FGD6: variants seen among roughly 807,000 people sequenced by gnomAD.
FGD6 encodes FYVE, RhoGEF and PH domain containing 6.
FGD6 carries 90 observed loss-of-function variants against 149.4 expected under a neutral mutation model. The ratio of observed to expected loss-of-function variants is 0.60; its 90% CI spans 0.51 to 0.72. FGD6 has a LOEUF of 0.72. FGD6 is among the 30% of genes least tolerant of loss of function. The pLI is 0.00. For synonymous variants in FGD6, 527 were observed against 584.0 expected (o/e 0.90, Z 1.41); for missense variants, 1,437 against 1,684.8 (o/e 0.85, Z 2.57).
intron 7 of FGD6, among the ~76,000 whole-genome samples, chr12:95,136,375 CA>C (rs1395987445): frequency 6.6e-6 from 1 of 152,000 alleles, no homozygotes; most frequent in Non-Finnish European, 1.5e-5. Flanking sequence ...AAAACAAAAA[CA>C]AAAACAAACA....
chr12:95,126,185 A>T (rs1218417990), intron 8 of FGD6: 1 of 1,123,356 alleles, frequency 8.9e-7, no homozygotes, highest in Non-Finnish European at 1.3e-6. Flanking sequence ...CTCTCAAAAA[A>T]GCACCTGTTG....
At chr12:95,083,113 T>A (rs1877754302) in intron 20 of FGD6, among the ~76,000 whole-genome samples, 1 of 147,700 alleles carries the variant, frequency 6.8e-6, no homozygotes, top group South Asian at 2.2e-4. Context: ...AGTTTAATTA[T>A]TTTGTAAAAG....
At chr12:95,136,737 G>A (rs1288041579) in intron 7 of FGD6, among the ~76,000 whole-genome samples, 1 of 152,142 alleles carries the variant, frequency 6.6e-6, no homozygotes, top group Non-Finnish European at 1.5e-5. Context: ...GTTAAGACAT[G>A]TTCCTTAATC....
At chr12:95,144,988 CT>C (rs34338776) in intron 5 of FGD6, among the ~76,000 whole-genome samples, 5,943 of 98,652 alleles carry the variant, frequency 0.06, 125 homozygotes, top group East Asian at 0.18. Flanking sequence ...CGCACCCGGC[CT>C]TTTTTTTTTT....
rs1396491201 is a variant in FGD6 at position 95,113,713 on chromosome 12, G to GA, written c.3083-13dup. The GA allele has an allele frequency of 9.1e-6, 14 of 1,542,550 alleles. No individual in the cohort carries two copies. The highest frequency in any genetic ancestry group is 2.0e-5 in the Admixed American group (1 of 50,826). On this transcript the variant is annotated splice_polypyrimidine_tract_variant and intron_variant, in intron 8 of 20. Transcript: ENST00000343958. ...ATTCTTCAAATAATCTAGAAAAGAA[G>GA]AAAAAAAAGTATTTAAGTACAATAA...
At chr12:95,187,780 G>A (rs1283565105) in intron 2 of FGD6, among the ~76,000 whole-genome samples, 1 of 152,096 alleles carries the variant, frequency 6.6e-6, no homozygotes, top group Non-Finnish European at 1.5e-5. Context: ...TGTGAGCCAC[G>A]GTTTTGCAGC....
At chr12:95,134,589 A>G (rs894878627) in intron 8 of FGD6, 150 bp downstream of exon 8, 1 of 713,124 alleles carries the variant, frequency 1.4e-6, no homozygotes. Flanking sequence ...CGTATATGTA[A>G]AGTATATAAG....
At chr12:95,176,435 AG>A (rs1367240071) in intron 2 of FGD6, among the ~76,000 whole-genome samples, 1 of 152,220 alleles carries the variant, frequency 6.6e-6, no homozygotes, top group East Asian at 1.9e-4. Flanking sequence ...CTGAAGTAAA[AG>A]GAAAGTAAGC....
intron 2 of FGD6, among the ~76,000 whole-genome samples, chr12:95,188,996 C>A (rs1004828675): frequency 2.6e-5 from 4 of 152,118 alleles, no homozygotes; most frequent in Admixed American, 6.6e-5. Flanking sequence ...AAAATGAATT[C>A]TCTAATTCCC....
At chr12:95,090,507 A>G (rs1450152645) in intron 17 of FGD6, among the ~76,000 whole-genome samples, 3 of 152,204 alleles carry the variant, frequency 2.0e-5, no homozygotes, top group South Asian at 4.1e-4. Flanking sequence ...TGGAGAAATC[A>G]AGACAAAGAT....
chr12:95,203,266 C>T (rs543676533), intron 2 of FGD6, among the ~76,000 whole-genome samples: 7 of 152,170 alleles, frequency 4.6e-5, no homozygotes, highest in Non-Finnish European at 1.0e-4. Context: ...ATGTTGAATT[C>T]TGGTGCTTGA....
intron 7 of FGD6, among the ~76,000 whole-genome samples, chr12:95,136,067 CTT>C (rs1375798017): frequency 6.6e-6 from 1 of 152,090 alleles, no homozygotes; most frequent in East Asian, 1.9e-4. Flanking sequence ...ATTTTAAAAA[CTT>C]TTCATTTTGG....
In FGD6 at chr12:95,137,602, C is replaced by A; in HGVS notation, c.2914G>T (p.Glu972Ter). ...YLKMYSTYIK[E>*]FDKNIALLDE... ...AGCAAGGCTATATTCTTATCAAATT[C>A]TTTGATGTATGTGGAATACATTTTT... Residue 972 changes from glutamate (E) to a stop codon, truncating the protein, a stop_gained, in exon 7 of 21, where the codon GAA (glutamate) becomes TAA (stop). Coordinates refer to ENST00000343958, the MANE Select transcript of FGD6 (RefSeq NM_018351.4). LOFTEE classifies it high-confidence loss of function. 1.2e-6 allele frequency: 2 copies of A among 1,611,024 alleles called. No homozygotes were observed. Among genetic ancestry groups the A allele is most frequent in the Non-Finnish European group, 1.7e-6 (2 of 1,178,740 alleles).
At chr12:95,192,828 A>T (rs1881629443) in intron 2 of FGD6, among the ~76,000 whole-genome samples, 1 of 152,180 alleles carries the variant, frequency 6.6e-6, no homozygotes, top group Admixed American at 6.5e-5. Flanking sequence ...AGGGTTTTTT[A>T]GGTAGTGGAA....
chr12:95,184,401 T>C (rs1392796444), intron 2 of FGD6, among the ~76,000 whole-genome samples: 5 of 152,144 alleles, frequency 3.3e-5, no homozygotes, highest in African/African-American at 9.7e-5. Flanking sequence ...AGTAAGCCTA[T>C]TTGCCATCTT....
At position 95,103,485 on chromosome 12, in the gene FGD6, C is replaced by T. The variant is rs184426546; in HGVS notation, c.3497+1522G>A. Among the ~76,000 whole-genome samples, 15 of 152,270 alleles carry T rather than the reference C, an allele frequency of 9.9e-5. No homozygotes were observed. The East Asian group carries it at 1.4e-3, about 14-fold the overall frequency. ...CAACATATTAAGTCACTGCAGGTTC[C>T]GGTCTGGGGCAAGGTGGTATCATAA... is the stretch of plus-strand genomic sequence containing the variant. On this transcript the variant is annotated intron_variant, in intron 14 of 20. Transcript: ENST00000343958.
intron 8 of FGD6, among the ~76,000 whole-genome samples, chr12:95,123,473 TG>T (rs1489950246): frequency 6.6e-6 from 1 of 152,080 alleles, no homozygotes; most frequent in Non-Finnish European, 1.5e-5. Flanking sequence ...TCATGATAGA[TG>T]GTATCTCCCC....
rs557062696 is a variant in FGD6, at chr12:95,096,370, T to C, written c.3498-1676A>G. Among the ~76,000 whole-genome samples, 19 of 152,338 alleles carry C rather than the reference T, an allele frequency of 1.2e-4. No homozygotes were observed. The East Asian group carries it at 3.1e-3, about 25-fold the overall frequency. On this transcript the variant is annotated intron_variant, in intron 14 of 20. Coordinates refer to ENST00000343958, the MANE Select transcript of FGD6 (RefSeq NM_018351.4). ...GAGTGCCATTTAGAATGTTCATTCA[T>C]GTGGATTAAAAAAGGTAGAGATCCA...
Position 95,213,199 on chromosome 12 carries a change from C to T in FGD6, c.17-1932G>A, listed in dbSNP as rs536279813. 2.6e-5 allele frequency among the ~76,000 whole-genome samples: 4 copies of T among 152,298 alleles called. No homozygotes were observed. The South Asian group carries it at 8.3e-4, about 32-fold the overall frequency. ...GGCCTCTTCCCAACGGCCCATCTTA[C>T]TCAGTACGACTGTCAAGTTGATTTT... On this transcript the variant is annotated intron_variant, in intron 1 of 20. Transcript: ENST00000343958.
Sources: allele counts gnomAD v4.1 joint callset (sites outside exome capture counted in the v4.1 genomes callset), GRCh38; gene constraint gnomAD v4.1.1; transcripts MANE v1.5; gene names NCBI Gene and HGNC (gene_info 2026-07-23, HGNC 2026-07-21).